Variants in FRZB observed in about 807,000 individuals in gnomAD.
FRZB encodes frizzled related protein.
A neutral mutation model predicts 32.5 loss-of-function variants in FRZB; 34 were observed. The observed-to-expected ratio is 1.05, with a 90% CI of 0.80 to 1.39. The LOEUF is 1.39. Among genes scored for constraint, FRZB ranks in the 40% most tolerant of loss-of-function variants. The pLI is 0.00. For synonymous variants in FRZB, 170 were observed against 159.2 expected (o/e 1.07, Z -0.51); for missense variants, 423 against 424.8 (o/e 1.00, Z 0.04).
intron 1 of FRZB, among the ~76,000 whole-genome samples, chr2:182,860,342 T>G (rs1695817455): frequency 6.6e-6 from 1 of 152,154 alleles, no homozygotes; most frequent in African/African-American, 2.4e-5. Context: ...TTAGTAAGGA[T>G]TTTAAGCAAA....
intron 2 of FRZB, among the ~76,000 whole-genome samples, chr2:182,843,390 C>T (rs1695605865): frequency 6.6e-6 from 1 of 151,870 alleles, no homozygotes. Flanking sequence ...TATTACTTAG[C>T]TAAGAAATAT....
At chr2:182,850,981 T>G (rs961747270) in intron 2 of FRZB, among the ~76,000 whole-genome samples, 1 of 152,200 alleles carries the variant, frequency 6.6e-6, no homozygotes, top group Non-Finnish European at 1.5e-5. Flanking sequence ...ATGTTGAAAA[T>G]TTTTTCATAT....
intron 2 of FRZB, among the ~76,000 whole-genome samples, chr2:182,855,052 G>C (rs1265307165): frequency 6.6e-6 from 1 of 152,162 alleles, no homozygotes; most frequent in African/African-American, 2.4e-5. Context: ...CCACTGAGTG[G>C]TATACATGTG....
intron 2 of FRZB, 100 bp from the exon 3 acceptor site, chr2:182,842,643 G>T: frequency 2.4e-6 from 2 of 826,666 alleles, no homozygotes; most frequent in South Asian, 3.1e-5. Context: ...TCAATTTGGT[G>T]GTGAGAAGGC....
At chr2:182,837,717 C>T (rs1470762805) in intron 5 of FRZB, among the ~76,000 whole-genome samples, 3 of 151,966 alleles carry the variant, frequency 2.0e-5, no homozygotes, top group Non-Finnish European at 2.9e-5. Context: ...TGTGAAGAGA[C>T]ATTAGGGCAA....
chr2:182,841,750 C>T (rs1695588076), intron 3 of FRZB, among the ~76,000 whole-genome samples: 1 of 152,014 alleles, frequency 6.6e-6, no homozygotes, highest in Non-Finnish European at 1.5e-5. Flanking sequence ...GAAGGGACTA[C>T]TTAGGTTCGA....
intron 1 of FRZB, among the ~76,000 whole-genome samples, chr2:182,862,985 G>T (rs1021701357): frequency 2.6e-5 from 4 of 152,052 alleles, no homozygotes; most frequent in Non-Finnish European, 5.9e-5. Flanking sequence ...GGCCAAGCTG[G>T]TCTCCAACTC....
chr2:182,844,171 C>T (rs1239974415), intron 2 of FRZB, among the ~76,000 whole-genome samples: 1 of 152,106 alleles, frequency 6.6e-6, no homozygotes, highest in East Asian at 1.9e-4. Flanking sequence ...AATGAGAATT[C>T]CTCAATACCA....
At chr2:182,840,081 A>G (rs1022411360) in intron 3 of FRZB, among the ~76,000 whole-genome samples, 1 of 152,138 alleles carries the variant, frequency 6.6e-6, no homozygotes, top group Non-Finnish European at 1.5e-5. Flanking sequence ...GTCTTCCGAG[A>G]ATTAGTTGCC....
At chr2:182,865,873 GAAGGTGAT>G (rs1695884119) in intron 1 of FRZB, among the ~76,000 whole-genome samples, 194 bp downstream of exon 1, 1 of 152,200 alleles carries the variant, frequency 6.6e-6, no homozygotes, top group Non-Finnish European at 1.5e-5. Flanking sequence ...CATCAGTTTG[GAAGGTGAT>G]AAGGTGAGGG....
rs139307427 is a variant in FRZB at position 182,839,376 on chromosome 2, T to C, written c.593-763A>G. Among the ~76,000 whole-genome samples, 129 of 152,190 alleles carry C rather than the reference T, an allele frequency of 8.5e-4. 2 individuals are homozygous for C. The highest frequency in any genetic ancestry group is 3.0e-3 in the African/African-American group (126 of 41,564). Reference sequence around the variant, plus strand: ...GCTATATTTACTTCTTGAATAAAAATGGTCACCACTAGATCTTATTTCCTC... The same window carrying C: ...GCTATATTTACTTCTTGAATAAAAACGGTCACCACTAGATCTTATTTCCTC... On this transcript the variant is annotated intron_variant, in intron 3 of 5. Coordinates refer to ENST00000295113, the MANE Select transcript of FRZB (RefSeq NM_001463.4).
At chr2:182,858,756 T>A in intron 2 of FRZB, 30 bp downstream of exon 2, 1 of 1,564,440 alleles carries the variant, frequency 6.4e-7, no homozygotes, top group South Asian at 1.2e-5. Context: ...TGACCACAAA[T>A]GAAAACCAGG....
chr2:182,841,758 C>T (rs977511857), intron 3 of FRZB, among the ~76,000 whole-genome samples: 9 of 151,902 alleles, frequency 5.9e-5, no homozygotes, highest in African/African-American at 1.5e-4. Context: ...TACTTAGGTT[C>T]GATAATCATT....
intron 1 of FRZB, among the ~76,000 whole-genome samples, chr2:182,859,194 A>T (rs141329189): frequency 1.2e-4 from 18 of 152,240 alleles, no homozygotes; most frequent in African/African-American, 3.8e-4. Flanking sequence ...ATGACAAAAA[A>T]AAAACCAAAC....
chr2:182,836,636 G>A (rs1053549560), intron 5 of FRZB, among the ~76,000 whole-genome samples: 15 of 151,940 alleles, frequency 9.9e-5, no homozygotes, highest in Admixed American at 5.3e-4. Flanking sequence ...TACATGCTTC[G>A]CAGCAGGGAT....
At chr2:182,836,837 A>G (rs1000197545) in intron 5 of FRZB, among the ~76,000 whole-genome samples, 1 of 152,066 alleles carries the variant, frequency 6.6e-6, no homozygotes, top group African/African-American at 2.4e-5. Flanking sequence ...CTTGAAATGC[A>G]TCTCCCTTTT....
At chr2:182,865,380 C>T (rs1045939506) in intron 1 of FRZB, among the ~76,000 whole-genome samples, 2 of 152,052 alleles carry the variant, frequency 1.3e-5, no homozygotes, top group African/African-American at 4.8e-5. Flanking sequence ...TATGGCAAGC[C>T]ACAGAAGCTA....
intron 1 of FRZB, among the ~76,000 whole-genome samples, chr2:182,862,773 CTTTT>C (rs10558108): frequency 7.4e-5 from 11 of 148,922 alleles, no homozygotes; most frequent in Non-Finnish European, 7.4e-5. Context: ...CTTTTCTTTT[CTTTT>C]TTTTTTTTTG....
intron 2 of FRZB, among the ~76,000 whole-genome samples, chr2:182,858,208 A>T (rs962635008): frequency 8.5e-5 from 13 of 152,238 alleles, no homozygotes; most frequent in Admixed American, 6.5e-4. Flanking sequence ...TGGAATGTTT[A>T]TAGTAGCTCT....
Sources: allele counts gnomAD v4.1 joint callset (sites outside exome capture counted in the v4.1 genomes callset), GRCh38; gene constraint gnomAD v4.1.1; transcripts MANE v1.5; gene names NCBI Gene and HGNC (gene_info 2026-07-23, HGNC 2026-07-21).